Variants in ITPRID2 observed in about 807,000 individuals in gnomAD.
The protein encoded by ITPRID2 is protein ITPRID2.
ITPRID2 carries 60 observed loss-of-function variants against 124.3 expected under a neutral mutation model. That is an observed-to-expected ratio of 0.48 (90% CI 0.39 to 0.60). The LOEUF is 0.60. Ranked by LOEUF, ITPRID2 falls within the 20% of genes least tolerant of loss-of-function variation. The probability of loss-of-function intolerance (pLI) is 0.00; values close to 1 mark genes in which losing one functional copy is unlikely to be tolerated. For synonymous variants in ITPRID2, 521 were observed against 542.9 expected (o/e 0.96, Z 0.56); for missense variants, 1,553 against 1,512.2 (o/e 1.03, Z -0.45).
Position 181,915,261 on chromosome 2 carries a change from G to A in ITPRID2, c.1621G>A (p.Asp541Asn), listed in dbSNP as rs1323395708. The A allele has an allele frequency of 6.2e-7, 1 of 1,614,122 alleles. No individual in the cohort carries two copies. Residue 541 changes from aspartate to asparagine, a missense_variant, in exon 11 of 18, where the codon GAC becomes AAC. By Grantham distance (23) the Asp-to-Asn change is conservative. Coordinates refer to ENST00000431877, the MANE Select transcript of ITPRID2 (RefSeq NM_001130445.3). ...QAMGSSADSC[D>N]SETTVTSLGE... The stretch of plus-strand genomic sequence containing the variant: ...TATGGGGAGTAGTGCTGATAGTTGT[G>A]ACAGTGAGACAACAGTTACGTCACT...
At chr2:181,897,870 ATTAG>A (rs1194177035) in intron 4 of ITPRID2, among the ~76,000 whole-genome samples, 1 of 151,988 alleles carries the variant, frequency 6.6e-6, no homozygotes, top group African/African-American at 2.4e-5. Context: ...ATGCAAATAT[ATTAG>A]TTCTTATTAT....
At position 181,900,856 on chromosome 2, in the gene ITPRID2, G is replaced by A. The variant is rs1033837464; in HGVS notation, c.664G>A (p.Ala222Thr). ...KGIDIKVFLS[A>T]QMQRMEVENP... ...GATAGATATTAAAGTATTTTTGAGT[G>A]CTCAGATGCAACGGATGGAAGTAGA... is the stretch of plus-strand genomic sequence containing the variant. The change falls in exon 7 of 18, where the codon GCT becomes ACT. Residue 222 changes from alanine to threonine, a missense_variant. Coordinates refer to ENST00000431877, the MANE Select transcript of ITPRID2 (RefSeq NM_001130445.3). The A allele has an allele frequency of 1.2e-6, 2 of 1,612,448 alleles. No individual in the cohort carries two copies. The highest frequency in any genetic ancestry group is 3.3e-5 in the Admixed American group (2 of 59,832).
Position 181,892,524 on chromosome 2 carries a change from G to T in ITPRID2, c.212-91G>T. 1 of 1,502,864 alleles carries T rather than the reference G, an allele frequency of 6.7e-7. No homozygotes were observed. The highest frequency in any genetic ancestry group is 9.3e-7 in the Non-Finnish European group (1 of 1,079,888). The allele number at this position is 1,502,864 out of a possible 1,614,324, so 93.1% of individuals were successfully genotyped here. A position where few individuals can be genotyped will look rare whatever the true frequency, so the allele number is the denominator to read the frequency against. On this transcript the variant is annotated intron_variant, in intron 1 of 17. Transcript: ENST00000431877. The surrounding 1 kb of genome is among the most constrained non-coding windows in gnomAD (Gnocchi z 5.2). ...GTGTCGCTTAGGCTGCATTTGCCGTGGTAGATTTTCCTACTTGGGAGGGTC... is the reference window on the plus strand; with the variant it reads ...GTGTCGCTTAGGCTGCATTTGCCGTTGTAGATTTTCCTACTTGGGAGGGTC...
intron 16 of ITPRID2, among the ~76,000 whole-genome samples, chr2:181,923,885 G>T (rs1694668246): frequency 6.6e-6 from 1 of 152,060 alleles, no homozygotes; most frequent in Admixed American, 6.5e-5. Context: ...CTAGAACATT[G>T]ATTCTTTGGC....
intron 2 of ITPRID2, among the ~76,000 whole-genome samples, chr2:181,894,999 A>G (rs1692070232): frequency 6.6e-6 from 1 of 152,108 alleles, no homozygotes. Flanking sequence ...TATGCAAAAA[A>G]TAGATTAAAG....
In ITPRID2 at chr2:181,902,537, A is replaced by G. The variant is rs1692761546; in HGVS notation, c.1413+71A>G. ...AAAAAAGTACCAAAAATGCTTATAA[A>G]ATGAGAGGTAGCTAATAGATTTATA... On this transcript the variant is annotated intron_variant, in intron 8 of 17. Coordinates refer to ENST00000431877, the MANE Select transcript of ITPRID2 (RefSeq NM_001130445.3). The surrounding 1 kb of genome is among the most constrained non-coding windows in gnomAD (Gnocchi z 4.4). The G allele has an allele frequency of 5.3e-6, 6 of 1,128,630 alleles. No homozygotes were observed. The highest frequency in any genetic ancestry group is 1.6e-5 in the African/African-American group (1 of 63,210). The allele number at this position is 1,128,630 out of a possible 1,614,324, so 69.9% of individuals were successfully genotyped here.
intron 15 of ITPRID2, among the ~76,000 whole-genome samples, chr2:181,921,299 G>A (rs1694461367): frequency 6.6e-6 from 1 of 152,266 alleles, no homozygotes; most frequent in South Asian, 2.1e-4. Flanking sequence ...CCAACATGGT[G>A]AAACCGCATC....
In ITPRID2 at chr2:181,915,293, A is replaced by C. The variant is rs1370494290; in HGVS notation, c.1653A>C (p.Glu551Asp). ...AGACAACAGTTACGTCACTTGGTGA[A>C]GACCTTGCCACACCAACAGCACAAG... is the stretch of plus-strand genomic sequence containing the variant. ...DSETTVTSLGEDLATPTAQDQ... is the reference protein window; with the variant it reads ...DSETTVTSLGDDLATPTAQDQ... Residue 551 changes from glutamate to aspartate, a missense_variant, in exon 11 of 18, where the codon GAA (glutamate) becomes GAC (aspartate). Transcript: ENST00000431877. The C allele has an allele frequency of 6.2e-7, 1 of 1,614,092 alleles. No homozygotes were observed. Among genetic ancestry groups the C allele is most frequent in the Non-Finnish European group, 8.5e-7 (1 of 1,180,040 alleles).
rs556797277 is a variant in ITPRID2 at position 181,907,186 on chromosome 2, C to G, written c.1414-2713C>G. 7.2e-5 allele frequency among the ~76,000 whole-genome samples: 11 copies of G among 152,270 alleles called. No homozygotes were observed. The South Asian group carries it at 1.9e-3, about 26-fold the overall frequency. ...GTAGTATTGTGCCTAGAAGATCCCT[C>G]TTAGTCAAGGTAAACATGACAGCTG... On this transcript the variant is annotated intron_variant, in intron 8 of 17. Coordinates refer to ENST00000431877, the MANE Select transcript of ITPRID2 (RefSeq NM_001130445.3). This position sits in a 1 kb window ranked among gnomAD's most constrained non-coding sequence, Gnocchi z 5.1.
chr2:181,911,076 A>G (rs1693566703), intron 9 of ITPRID2, among the ~76,000 whole-genome samples: 1 of 152,166 alleles, frequency 6.6e-6, no homozygotes, highest in Non-Finnish European at 1.5e-5. Context: ...CTGTAGTAGG[A>G]ATGATTAGAT....
intron 2 of ITPRID2, chr2:181,893,242 T>G (rs954727105): frequency 6.5e-6 from 1 of 153,096 alleles, no homozygotes; most frequent in Non-Finnish European, 1.5e-5. Flanking sequence ...TCTGTTTAAT[T>G]ACATGCTTTG....
rs148845096 is a variant in ITPRID2, at chr2:181,897,964, TC to T, written c.365-914del. On this transcript the variant is annotated intron_variant, in intron 4 of 17. Coordinates refer to ENST00000431877, the MANE Select transcript of ITPRID2 (RefSeq NM_001130445.3). ...TCAGTACAATTGAACATGTTGTCAA[TC>T]CGTTATTAAAATGCACTTTGCACTT... 4.3e-3 allele frequency among the ~76,000 whole-genome samples: 654 copies of T among 152,160 alleles called. 8 individuals carry two copies. Among genetic ancestry groups the T allele is most frequent in the African/African-American group, 0.015 (620 of 41,568 alleles).
chr2:181,897,057 C>T, intron 4 of ITPRID2, 93 bp downstream of exon 4: 3 of 1,091,034 alleles, frequency 2.7e-6, no homozygotes, highest in Non-Finnish European at 4.2e-6. Flanking sequence ...GATCCTCAAG[C>T]TAAATTTAAA....
intron 16 of ITPRID2, among the ~76,000 whole-genome samples, chr2:181,926,664 T>G (rs963325985): frequency 6.8e-5 from 10 of 147,648 alleles, no homozygotes; most frequent in Non-Finnish European, 1.2e-4. Context: ...AGTGAGCCGA[T>G]ATTGTACCGC....
At chr2:181,920,717 C>A in intron 15 of ITPRID2, 55 bp downstream of exon 15, 4 of 1,274,266 alleles carry the variant, frequency 3.1e-6, no homozygotes, top group Non-Finnish European at 3.4e-6. Context: ...ACATTTCAGA[C>A]ACATAGTTTC....
chr2:181,924,653 T>G (rs2125113342), intron 16 of ITPRID2, among the ~76,000 whole-genome samples: 1 of 152,332 alleles, frequency 6.6e-6, no homozygotes, highest in East Asian at 1.9e-4. Flanking sequence ...CTTTGTTTCT[T>G]TCGTTGTACC....
chr2:181,892,300 C>CG lies in ITPRID2; in HGVS notation c.211+29dup. The CG allele has an allele frequency of 1.3e-6, 2 of 1,531,852 alleles. No individual in the cohort carries two copies. Among genetic ancestry groups the CG allele is most frequent in the Non-Finnish European group, 1.8e-6 (2 of 1,139,092 alleles). The allele number at this position is 1,531,852 out of a possible 1,614,324, so 94.9% of individuals were successfully genotyped here. ...GAGGTCGGTGCTCCCGGCCGGGCTC[C>CG]GGGGGGAGGCTGGTGGGCTGGGGAG... is the stretch of plus-strand genomic sequence containing the variant. On this transcript the variant is annotated intron_variant, in intron 1 of 17. Transcript: ENST00000431877. This position sits in a 1 kb window ranked among gnomAD's most constrained non-coding sequence, Gnocchi z 5.2.
chr2:181,918,454 C>T, intron 11 of ITPRID2, 144 bp from the exon 12 acceptor site: 3 of 1,451,862 alleles, frequency 2.1e-6, no homozygotes, highest in Non-Finnish European at 2.7e-6. Context: ...TTCTTTTTTC[C>T]TGCTTACAAT....
In ITPRID2 at chr2:181,892,528, G is replaced by T; in HGVS notation, c.212-87G>T. 4.5e-6 allele frequency: 7 copies of T among 1,544,092 alleles called. No individual in the cohort carries two copies. Among genetic ancestry groups the T allele is most frequent in the Non-Finnish European group, 6.3e-6 (7 of 1,117,122 alleles). On this transcript the variant is annotated intron_variant, in intron 1 of 17. Transcript: ENST00000431877. This position sits in a 1 kb window ranked among gnomAD's most constrained non-coding sequence, Gnocchi z 5.2. Reference sequence around the variant, plus strand: ...CGCTTAGGCTGCATTTGCCGTGGTAGATTTTCCTACTTGGGAGGGTCCAGG... The same window carrying T: ...CGCTTAGGCTGCATTTGCCGTGGTATATTTTCCTACTTGGGAGGGTCCAGG...
Sources: allele counts gnomAD v4.1 joint callset (sites outside exome capture counted in the v4.1 genomes callset), GRCh38; gene constraint gnomAD v4.1.1; non-coding constraint Gnocchi (gnomAD v3.1); transcripts MANE v1.5; gene names NCBI Gene and HGNC (gene_info 2026-07-23, HGNC 2026-07-21).